The following FAM120A variants were observed in gnomAD, a reference collection of about 807,000 sequenced individuals.
FAM120A encodes the protein constitutive coactivator of PPAR-gamma-like protein 1.
A neutral mutation model predicts 109.7 loss-of-function variants in FAM120A; 15 were observed. The ratio of observed to expected loss-of-function variants is 0.14; its 90% CI spans 0.09 to 0.21. FAM120A has a LOEUF of 0.21. FAM120A is among the 10% of genes least tolerant of loss of function. The pLI is 1.00. For missense variants in FAM120A, 899 were observed against 1,439.3 expected (o/e 0.62, Z 6.07); for synonymous variants, 493 against 572.8 (o/e 0.86, Z 1.99).
chr9:93,484,717 G>A (rs955010677), intron 3 of FAM120A, among the ~76,000 whole-genome samples: 1 of 152,190 alleles, frequency 6.6e-6, no homozygotes, highest in Admixed American at 6.5e-5. Flanking sequence ...GGGACTACAG[G>A]CGTGTGCCAC....
At chr9:93,466,725 G>A (rs139934845) in intron 1 of FAM120A, among the ~76,000 whole-genome samples, 57 of 152,190 alleles carry the variant, frequency 3.7e-4, no homozygotes, top group African/African-American at 1.2e-3. Flanking sequence ...ACCCACCTAT[G>A]TGTGTATTTT....
intron 1 of FAM120A, among the ~76,000 whole-genome samples, chr9:93,470,406 C>T (rs947202803): frequency 1.3e-5 from 2 of 152,072 alleles, no homozygotes; most frequent in Non-Finnish European, 2.9e-5. Flanking sequence ...TCTGCTTGCT[C>T]CTTCGTGTGT....
chr9:93,529,629 C>T, intron 9 of FAM120A, 49 bp downstream of exon 9: 1 of 1,518,902 alleles, frequency 6.6e-7, no homozygotes, highest in South Asian at 1.1e-5. Context: ...GATGAGTGGC[C>T]ATTCCTATGG....
Position 93,558,011 on chromosome 9 carries a change from G to T in FAM120A, c.2668+1G>T. ...CAGGGCAGGGGCAGAGGCTTTGCAG[G>T]TGAGTTGATTGGGACGTATTCCTGT... On this transcript the variant is annotated splice_donor_variant, in intron 14 of 17. Transcript: ENST00000277165. LOFTEE classifies it high-confidence loss of function. 1 of 1,588,446 alleles carries T rather than the reference G, an allele frequency of 6.3e-7. No individual in the cohort carries two copies. Among genetic ancestry groups the T allele is most frequent in the Non-Finnish European group, 8.5e-7 (1 of 1,174,346 alleles).
chr9:93,503,806 T>G (rs1385574062), intron 5 of FAM120A, among the ~76,000 whole-genome samples: 3 of 151,774 alleles, frequency 2.0e-5, no homozygotes, highest in Admixed American at 1.3e-4. Context: ...CTGCTCAAGA[T>G]TTTTGTAACC....
chr9:93,483,469 C>T (rs1307166469), intron 3 of FAM120A, among the ~76,000 whole-genome samples: 1 of 151,772 alleles, frequency 6.6e-6, no homozygotes, highest in East Asian at 1.9e-4. Flanking sequence ...TTTTGTTAAT[C>T]TTTGTAGTCT....
At chr9:93,473,741 C>T (rs1858419790) in intron 2 of FAM120A, among the ~76,000 whole-genome samples, 1 of 152,192 alleles carries the variant, frequency 6.6e-6, no homozygotes, top group Non-Finnish European at 1.5e-5. Context: ...AGTAAGGGAA[C>T]TCTTGTGCCT....
intron 5 of FAM120A, among the ~76,000 whole-genome samples, chr9:93,513,712 G>A (rs531879032): frequency 6.6e-5 from 10 of 152,304 alleles, no homozygotes; most frequent in South Asian, 2.1e-4. Context: ...ATTCCTGGTC[G>A]TTCTCTGGGG....
intron 5 of FAM120A, among the ~76,000 whole-genome samples, chr9:93,515,247 C>T (rs1176622150): frequency 3.3e-5 from 5 of 152,296 alleles, no homozygotes; most frequent in Non-Finnish European, 5.9e-5. Flanking sequence ...GGAAACTGTT[C>T]GGTCCGACTT....
Position 93,516,102 on chromosome 9 carries a change from C to T in FAM120A, c.1251C>T (p.Ser417=), listed in dbSNP as rs753534292. The T allele has an allele frequency of 3.1e-6, 5 of 1,613,370 alleles. No individual in the cohort carries two copies. The highest frequency in any genetic ancestry group is 4.2e-6 in the Non-Finnish European group (5 of 1,179,790). ...TSGKNLTEQN[S]YSNIPHEGKH... The stretch of plus-strand genomic sequence containing the variant: ...GGAAGAATCTGACGGAGCAGAACAG[C>T]TACAGCAACATTCCTCACGAAGGGA... The change falls in exon 7 of 18, where the codon AGC becomes AGT. Residue 417 remains serine, a synonymous_variant. Transcript: ENST00000277165.
chr9:93,537,906 A>G (rs911214444), intron 10 of FAM120A, among the ~76,000 whole-genome samples: 1 of 152,214 alleles, frequency 6.6e-6, no homozygotes, highest in Non-Finnish European at 1.5e-5. Context: ...TAGGAGCAGC[A>G]TTGAGGTTTT....
At chr9:93,459,591 T>G (rs145988687) in intron 1 of FAM120A, among the ~76,000 whole-genome samples, 48 of 152,328 alleles carry the variant, frequency 3.2e-4, no homozygotes, top group African/African-American at 1.1e-3. Context: ...AGGAGGTTCA[T>G]TTAAATCCTT....
chr9:93,554,645 C>T (rs900339879), intron 12 of FAM120A, among the ~76,000 whole-genome samples: 2 of 151,922 alleles, frequency 1.3e-5, no homozygotes, highest in African/African-American at 4.8e-5. Context: ...TGCACTCCAG[C>T]GTGGATGACA....
chr9:93,498,260 G>C lies in FAM120A; in HGVS notation c.934-530G>C, dbSNP rs1429952337. Among the ~76,000 whole-genome samples the C allele has an allele frequency of 1.3e-5, 2 of 152,228 alleles. No individual in the cohort carries two copies. Among genetic ancestry groups the C allele is most frequent in the African/African-American group, 4.8e-5 (2 of 41,454 alleles). On this transcript the variant is annotated intron_variant, in intron 4 of 17. Transcript: ENST00000277165. This position sits in a 1 kb window ranked among gnomAD's most constrained non-coding sequence, Gnocchi z 4.4. The stretch of plus-strand genomic sequence containing the variant: ...ATACAAAAATTAGCCAGGCGTGGTG[G>C]TGGGCGCCTGTAATGCCAGCTACTC...
At chr9:93,481,499 G>A (rs1858805672) in intron 3 of FAM120A, among the ~76,000 whole-genome samples, 1 of 152,050 alleles carries the variant, frequency 6.6e-6, no homozygotes, top group South Asian at 2.1e-4. Context: ...CATTTAAGTT[G>A]GACCTGTTTA....
At chr9:93,496,334 C>T (rs1477096578) in intron 3 of FAM120A, among the ~76,000 whole-genome samples, 2 of 152,182 alleles carry the variant, frequency 1.3e-5, no homozygotes, top group East Asian at 3.8e-4. Flanking sequence ...GTGCTTAGCC[C>T]AGATGCATCA....
At chr9:93,559,953 C>T (rs1862415349) in intron 15 of FAM120A, among the ~76,000 whole-genome samples, 1 of 152,134 alleles carries the variant, frequency 6.6e-6, no homozygotes, top group Admixed American at 6.6e-5. Context: ...AAATACATAT[C>T]AGATTTTAAA....
At chr9:93,499,441 C>T (rs1470879626) in intron 5 of FAM120A, among the ~76,000 whole-genome samples, 1 of 152,080 alleles carries the variant, frequency 6.6e-6, no homozygotes. Flanking sequence ...GCATGCGCCA[C>T]CATGCCCAGC....
At chr9:93,535,203 G>T (rs1255286741) in intron 10 of FAM120A, among the ~76,000 whole-genome samples, 1 of 152,198 alleles carries the variant, frequency 6.6e-6, no homozygotes, top group East Asian at 1.9e-4. Context: ...TTGTGTGAGG[G>T]TGTGCGTAAG....
Sources: gnomAD v4.1 joint callset for allele counts (sites outside exome capture counted in the v4.1 genomes callset) on GRCh38, gnomAD v4.1.1 for gene constraint, Gnocchi (gnomAD v3.1) non-coding constraint, MANE v1.5 for transcripts, NCBI Gene and HGNC (gene_info 2026-07-23, HGNC 2026-07-21) for gene names.